Variants in ROR2 observed in about 807,000 individuals in gnomAD.
ROR2 encodes the protein ROR family WNT receptor 2, also known as tyrosine-protein kinase transmembrane receptor ROR2.
A neutral mutation model predicts 74.9 loss-of-function variants in ROR2; 33 were observed. The ratio of observed to expected loss-of-function variants is 0.44; its 90% confidence interval spans 0.33 to 0.59. The LOEUF (loss-of-function observed/expected upper bound fraction) is 0.59, where lower values mean the gene tolerates loss of function less well. Ranked by LOEUF, ROR2 falls within the 20% of genes least tolerant of loss-of-function variation. The pLI is 0.02. For synonymous variants in ROR2, 586 were observed against 558.7 expected (o/e 1.05, Z -0.69); for missense variants, 1,216 against 1,313.8 (o/e 0.93, Z 1.15).
intron 4 of ROR2, among the ~76,000 whole-genome samples, chr9:91,739,577 T>C (rs1825149989): frequency 6.7e-6 from 1 of 149,956 alleles, no homozygotes; most frequent in Non-Finnish European, 1.5e-5. Flanking sequence ...AAAATCCCTA[T>C]CTGAACTCTC....
chr9:91,838,954 A>G (rs1306891605), intron 1 of ROR2, among the ~76,000 whole-genome samples: 2 of 152,210 alleles, frequency 1.3e-5, no homozygotes, highest in African/African-American at 4.8e-5. Flanking sequence ...GGAGAATTAG[A>G]TAAATTTCAG....
At chr9:91,812,693 G>A (rs992806990) in intron 1 of ROR2, among the ~76,000 whole-genome samples, 3 of 151,952 alleles carry the variant, frequency 2.0e-5, no homozygotes, top group African/African-American at 4.8e-5. Flanking sequence ...CCTCACACCC[G>A]TGGGACTTTC....
chr9:91,878,496 C>G (rs1830015948), intron 1 of ROR2, among the ~76,000 whole-genome samples: 1 of 152,210 alleles, frequency 6.6e-6, no homozygotes, highest in Admixed American at 6.5e-5. Context: ...ATTTCTTGGA[C>G]TCTTATTATA....
intron 1 of ROR2, among the ~76,000 whole-genome samples, chr9:91,873,908 C>T (rs1829878953): frequency 1.3e-5 from 2 of 152,312 alleles, no homozygotes; most frequent in Middle Eastern, 3.4e-3. Context: ...AATTAACTTT[C>T]GCTTCTCCTC....
chr9:91,904,659 G>A (rs1830765303), intron 1 of ROR2, among the ~76,000 whole-genome samples: 1 of 152,126 alleles, frequency 6.6e-6, no homozygotes, highest in South Asian at 2.1e-4. Flanking sequence ...CAGGCAGCAA[G>A]ACACACAGGA....
At chr9:91,790,965 T>G (rs1227701544) in intron 1 of ROR2, among the ~76,000 whole-genome samples, 1 of 152,232 alleles carries the variant, frequency 6.6e-6, no homozygotes, top group African/African-American at 2.4e-5. Context: ...AACAGAAAGT[T>G]TAAAAAATTT....
At chr9:91,910,952 C>A (rs1830964239) in intron 1 of ROR2, among the ~76,000 whole-genome samples, 3 of 152,232 alleles carry the variant, frequency 2.0e-5, no homozygotes, top group Admixed American at 2.0e-4. Context: ...GCGTTAGCCA[C>A]CGCGCCCAGC....
intron 1 of ROR2, among the ~76,000 whole-genome samples, chr9:91,877,327 G>C (rs895685426): frequency 1.3e-5 from 2 of 152,188 alleles, no homozygotes; most frequent in Admixed American, 6.5e-5. Context: ...GAAAGAAGGT[G>C]ATCAAGAAGT....
Position 91,756,088 on chromosome 9 carries a change from G to A in ROR2, c.477C>T (p.Ser159=). Residue 159 remains serine (S), a synonymous_variant, in exon 4 of 9, where the codon AGC becomes AGT. Transcript: ENST00000375708. Reference sequence around the variant, plus strand: ...ATACTTACTGAAAGTTATGATTTGGGCTGTGCGTTGGACCTAAAAAGAGGA... The same window carrying A: ...ATACTTACTGAAAGTTATGATTTGGACTGTGCGTTGGACCTAAAAAGAGGA... ...VLFVRLGPTH[S]PNHNFQDDYH... 1.9e-6 allele frequency: 3 copies of A among 1,614,006 alleles called. No homozygotes were observed. Among genetic ancestry groups the A allele is most frequent in the Non-Finnish European group, 2.5e-6 (3 of 1,179,854 alleles).
intron 6 of ROR2, among the ~76,000 whole-genome samples, chr9:91,732,337 C>T (rs1837271645): frequency 6.6e-6 from 1 of 152,174 alleles, no homozygotes; most frequent in Non-Finnish European, 1.5e-5. Flanking sequence ...GGGCTCACAA[C>T]TTGGGGTTTA....
chr9:91,771,448 A>G (rs1826224035), intron 2 of ROR2, among the ~76,000 whole-genome samples: 1 of 152,240 alleles, frequency 6.6e-6, no homozygotes, highest in Non-Finnish European at 1.5e-5. Context: ...TAACAGAATG[A>G]TAATTCTAAA....
chr9:91,873,783 C>G (rs1357578709), intron 1 of ROR2, among the ~76,000 whole-genome samples: 1 of 152,168 alleles, frequency 6.6e-6, no homozygotes, highest in African/African-American at 2.4e-5. Context: ...CAGCGCCGAG[C>G]AGCTGAATCT....
chr9:91,890,403 A>C (rs1830395410), intron 1 of ROR2, among the ~76,000 whole-genome samples: 1 of 152,192 alleles, frequency 6.6e-6, no homozygotes, highest in Non-Finnish European at 1.5e-5. Flanking sequence ...AAGACTTCTC[A>C]TACCTTTTGG....
intron 1 of ROR2, among the ~76,000 whole-genome samples, chr9:91,801,607 G>A (rs371249767): frequency 4.6e-5 from 7 of 152,298 alleles, no homozygotes; most frequent in African/African-American, 9.6e-5. Flanking sequence ...TAGGATTACC[G>A]GCGTGAGCCA....
intron 4 of ROR2, among the ~76,000 whole-genome samples, chr9:91,750,042 C>T (rs1400755034): frequency 1.3e-5 from 2 of 152,166 alleles, no homozygotes; most frequent in African/African-American, 4.8e-5. Context: ...GCTGGAATTA[C>T]AGGCATGTGC....
At chr9:91,914,667 GC>G (rs1250164127) in intron 1 of ROR2, among the ~76,000 whole-genome samples, 4 of 152,186 alleles carry the variant, frequency 2.6e-5, no homozygotes, top group South Asian at 4.2e-4. Context: ...AGGAAGCCCC[GC>G]CCCCCTTACA....
At chr9:91,902,485 C>G (rs985013954) in intron 1 of ROR2, among the ~76,000 whole-genome samples, 1 of 152,002 alleles carries the variant, frequency 6.6e-6, no homozygotes, top group African/African-American at 2.4e-5. Context: ...AAGCAGTTCC[C>G]GATGGGGAGC....
In ROR2 at chr9:91,891,256, T is replaced by C. The variant is rs531686569; in HGVS notation, c.97+58611A>G. ...TGTCAGCAGGGCTGTTCCTTTCTTT[T>C]TTTTTTTTTTTTTCTTCTTTTGAGA... On this transcript the variant is annotated intron_variant, in intron 1 of 8. Transcript: ENST00000375708. Among the ~76,000 whole-genome samples, 292 of 151,410 alleles carry C rather than the reference T, an allele frequency of 1.9e-3. 1 individual carries two copies. Among genetic ancestry groups the C allele is most frequent in the African/African-American group, 6.7e-3 (279 of 41,344 alleles).
chr9:91,887,831 G>A (rs1465925911), intron 1 of ROR2, among the ~76,000 whole-genome samples: 3 of 116,294 alleles, frequency 2.6e-5, no homozygotes, highest in African/African-American at 3.5e-5. Context: ...TCACTCTGTC[G>A]CCCAGGCTGG....
Sources: allele counts gnomAD v4.1 joint callset (sites outside exome capture counted in the v4.1 genomes callset), GRCh38; gene constraint gnomAD v4.1.1; transcripts MANE v1.5; gene names NCBI Gene and HGNC (gene_info 2026-07-23, HGNC 2026-07-21).